POLR2F: variants seen among roughly 807,000 people sequenced by gnomAD.
POLR2F encodes the protein RNA polymerase II, I and III subunit F, also known as DNA-directed RNA polymerases I, II, and III subunit RPABC2.
A neutral mutation model predicts 22.7 loss-of-function variants in POLR2F; 12 were observed. The observed-to-expected ratio is 0.53, with a 90% CI of 0.34 to 0.86. The LOEUF is 0.86. POLR2F is among the 40% of genes least tolerant of loss of function. The pLI, the probability that POLR2F is intolerant of heterozygous loss-of-function variation, is 0.02. For missense variants in POLR2F, 126 were observed against 171.5 expected (o/e 0.73, Z 1.48); for synonymous variants, 57 against 66.0 (o/e 0.86, Z 0.66).
chr22:38,039,566 G>T (rs2085151716), intron 5 of POLR2F, among the ~76,000 whole-genome samples: 1 of 152,260 alleles, frequency 6.6e-6, no homozygotes, highest in Non-Finnish European at 1.5e-5. Flanking sequence ...TGGAGACCTG[G>T]GCAGTTCACC....
chr22:37,972,325 T>C, downstream of POLR2F: 1 of 957,646 alleles, frequency 1.0e-6, no homozygotes, highest in Non-Finnish European at 1.5e-6. Context: ...CCGGAACCTT[T>C]AATTTTATTA....
intron 1 of POLR2F, among the ~76,000 whole-genome samples, chr22:38,020,483 T>C (rs911245696): frequency 6.6e-6 from 1 of 150,764 alleles, no homozygotes; most frequent in Non-Finnish European, 1.5e-5. Context: ...TTCACCACAT[T>C]GGCCAGGCTG....
At chr22:37,991,311 G>T (rs969838812) in intron 1 of POLR2F, among the ~76,000 whole-genome samples, 2 of 152,056 alleles carry the variant, frequency 1.3e-5, no homozygotes, top group Admixed American at 6.6e-5. Flanking sequence ...TAGAGACGGG[G>T]TTTCACCATG....
At chr22:38,031,090 C>T (rs2085060457), downstream of POLR2F, among the ~76,000 whole-genome samples, 1 of 151,960 alleles carries the variant, frequency 6.6e-6, no homozygotes, top group Admixed American at 6.6e-5. The surrounding 1 kb of genome is among the most constrained non-coding windows in gnomAD (Gnocchi z 4.1). Context: ...GTGTCGCCCC[C>T]TCCCTCCTTG....
At position 37,959,551 on chromosome 22, in the gene POLR2F, G is replaced by A. The variant is rs1017188025; in HGVS notation, c.221+75G>A. Reference sequence around the variant, plus strand: ...GCTCTTGTACCGCTGATCTTTCCCAGCCTGGCACCTGAAAACAGACTCTCT... The same window carrying A: ...GCTCTTGTACCGCTGATCTTTCCCAACCTGGCACCTGAAAACAGACTCTCT... On this transcript the variant is annotated intron_variant, in intron 3 of 4. Transcript: ENST00000442738. 2.8e-5 allele frequency: 42 copies of A among 1,513,652 alleles called. No homozygotes were observed. In the Admixed American group the frequency reaches 6.3e-4, roughly 23 times the overall value. 93.8% of individuals were successfully genotyped at this position (1,513,652 alleles called of 1,614,324 possible). A position where few individuals can be genotyped will look rare whatever the true frequency, so the allele number is the denominator to read the frequency against.
Position 37,974,825 on chromosome 22 carries a change from G to A in POLR2F, c.293+7655G>A, listed in dbSNP as rs929670177. 7.2e-5 allele frequency among the ~76,000 whole-genome samples: 11 copies of A among 152,174 alleles called. No homozygotes were observed. Among genetic ancestry groups the A allele is most frequent in the East Asian group, 5.8e-4 (3 of 5,190 alleles). On this transcript the variant is annotated intron_variant, in intron 4 of 4. Transcript: ENST00000405557. This position sits in a 1 kb window ranked among gnomAD's most constrained non-coding sequence, Gnocchi z 5.4. ...CCAGGTGGTCTGGCCCAGCCTTTGC[G>A]CTCTGCCAGCCCCGCTTCCACACCC...
chr22:38,003,746 T>C (rs950981576), intron 1 of POLR2F, among the ~76,000 whole-genome samples: 2 of 151,390 alleles, frequency 1.3e-5, no homozygotes, highest in African/African-American at 4.9e-5. Flanking sequence ...CCAGCTAATT[T>C]TTGTATTTTT....
At chr22:38,034,009 G>T (rs763622538) in intron 5 of POLR2F, among the ~76,000 whole-genome samples, 72 of 152,154 alleles carry the variant, frequency 4.7e-4, no homozygotes, top group Non-Finnish European at 9.1e-4. Context: ...CCATCCCAGG[G>T]GTCAAGTGGC....
chr22:37,998,271 G>C (rs2084735719), intron 1 of POLR2F, among the ~76,000 whole-genome samples: 1 of 152,234 alleles, frequency 6.6e-6, no homozygotes, highest in South Asian at 2.1e-4. Flanking sequence ...TCTCCTCAGA[G>C]ACCTGCCCTG....
upstream of POLR2F, chr22:37,983,222 C>T: frequency 9.2e-7 from 1 of 1,088,612 alleles, no homozygotes. This position sits in a 1 kb window ranked among gnomAD's most constrained non-coding sequence, Gnocchi z 9.5. Context: ...GGCCCCCACA[C>T]CTGGTCTTCC....
intron 5 of POLR2F, chr22:38,040,848 T>C (rs2085165292): frequency 1.5e-6 from 1 of 648,448 alleles, no homozygotes; most frequent in Non-Finnish European, 2.6e-6. Flanking sequence ...CGGTCAGCGC[T>C]CTGTAATGGC....
downstream of POLR2F, among the ~76,000 whole-genome samples, chr22:38,027,197 T>C (rs1449798859): frequency 2.6e-5 from 4 of 152,160 alleles, no homozygotes; most frequent in Non-Finnish European, 5.9e-5. Context: ...CGTTCATTCA[T>C]TCATCAACTA....
At chr22:37,982,059 G>C (rs1932414424), upstream of POLR2F, among the ~76,000 whole-genome samples, 1 of 152,234 alleles carries the variant, frequency 6.6e-6, no homozygotes, top group Admixed American at 6.5e-5. Flanking sequence ...GGCAGCGGAA[G>C]AGAGCCGGGC....
chr22:37,982,177 C>T (rs1173265232), upstream of POLR2F, among the ~76,000 whole-genome samples: 1 of 152,196 alleles, frequency 6.6e-6, no homozygotes, highest in African/African-American at 2.4e-5. Context: ...GTAGGTGATC[C>T]ACCACTGTCA....
intron 1 of POLR2F, among the ~76,000 whole-genome samples, chr22:37,989,937 C>G (rs1329139655): frequency 2.0e-5 from 3 of 152,210 alleles, no homozygotes; most frequent in African/African-American, 7.2e-5. Flanking sequence ...GGTCCTCTTC[C>G]AGGACACACC....
chr22:38,027,813 C>T (rs1033495466), downstream of POLR2F, among the ~76,000 whole-genome samples: 6 of 152,306 alleles, frequency 3.9e-5, no homozygotes, highest in East Asian at 1.2e-3. Context: ...TAGGCAAGGA[C>T]ACTGGACACC....
chr22:38,034,735 T>C (rs1010921578), intron 5 of POLR2F, among the ~76,000 whole-genome samples: 7 of 152,176 alleles, frequency 4.6e-5, no homozygotes, highest in African/African-American at 1.7e-4. Context: ...TGGAGGGGGT[T>C]GTGCCTGCGC....
At chr22:38,028,493 T>C (rs554713320), downstream of POLR2F, among the ~76,000 whole-genome samples, 149 of 151,904 alleles carry the variant, frequency 9.8e-4, no homozygotes, top group African/African-American at 3.5e-3. Context: ...TGTGTGCGTG[T>C]GTGTGTGTGC....
At chr22:37,973,169 G>A (rs1435484490), downstream of POLR2F, 10 of 311,730 alleles carry the variant, frequency 3.2e-5, no homozygotes, top group South Asian at 9.5e-5. Flanking sequence ...TCCCCTCCCC[G>A]AGGAGGGTGA....
Sources: allele counts gnomAD v4.1 joint callset (sites outside exome capture counted in the v4.1 genomes callset), GRCh38; gene constraint gnomAD v4.1.1; non-coding constraint Gnocchi (gnomAD v3.1); transcripts MANE v1.5; gene names NCBI Gene and HGNC (gene_info 2026-07-23, HGNC 2026-07-21).